Variants in LAMA2 observed in about 807,000 individuals in gnomAD.
LAMA2 encodes laminin subunit alpha-2.
In LAMA2, 269 loss-of-function variants were observed where a neutral mutation model predicts 364.8. The ratio of observed to expected loss-of-function variants is 0.74; its 90% confidence interval spans 0.67 to 0.82. LAMA2 has a LOEUF of 0.82. Ranked by LOEUF, LAMA2 falls within the 40% of genes least tolerant of loss-of-function variation. LAMA2 has a pLI of 0.00. For synonymous variants in LAMA2, 1,379 were observed against 1,370.6 expected (o/e 1.01, Z -0.14); for missense variants, 3,807 against 3,873.2 (o/e 0.98, Z 0.45).
At chr6:129,010,162 A>G (rs1435989554) in intron 1 of LAMA2, among the ~76,000 whole-genome samples, 2 of 152,226 alleles carry the variant, frequency 1.3e-5, no homozygotes, top group African/African-American at 4.8e-5. Flanking sequence ...CTTCAGAGTC[A>G]AAGATGTTAA....
At chr6:128,958,337 A>T (rs1781279256) in intron 1 of LAMA2, among the ~76,000 whole-genome samples, 2 of 152,070 alleles carry the variant, frequency 1.3e-5, no homozygotes, top group South Asian at 4.1e-4. Flanking sequence ...TGTTTAATAT[A>T]TTTTTATCTA....
chr6:129,392,973 G>A, intron 36 of LAMA2, 72 bp from the exon 37 acceptor site: 1 of 1,161,830 alleles, frequency 8.6e-7, no homozygotes, highest in South Asian at 1.3e-5. Flanking sequence ...TTTGTAACAT[G>A]GTTTAATACC....
intron 1 of LAMA2, among the ~76,000 whole-genome samples, chr6:128,899,523 T>A (rs1449571555): frequency 6.6e-6 from 1 of 152,224 alleles, no homozygotes; most frequent in African/African-American, 2.4e-5. Context: ...TGACATATGG[T>A]AGGCACTCAA....
chr6:129,076,490 A>AT (rs1554212267), intron 3 of LAMA2, among the ~76,000 whole-genome samples: 2 of 12,428 alleles, frequency 1.6e-4, no homozygotes, highest in Non-Finnish European at 5.3e-4. Context: ...TATCTTATAT[A>AT]TTATATATAA....
intron 1 of LAMA2, among the ~76,000 whole-genome samples, chr6:128,952,824 G>A (rs1211248033): frequency 6.6e-6 from 1 of 152,120 alleles, no homozygotes; most frequent in Non-Finnish European, 1.5e-5. Context: ...CTATTGATCT[G>A]TCCAGGGAAG....
chr6:128,939,013 C>T (rs1780000662), intron 1 of LAMA2, among the ~76,000 whole-genome samples: 1 of 152,114 alleles, frequency 6.6e-6, no homozygotes, highest in Admixed American at 6.5e-5. Flanking sequence ...TTTGCTTTCT[C>T]TTATTTGGAA....
chr6:129,443,040 C>G, intron 43 of LAMA2, 23 bp from the exon 44 acceptor site: 1 of 1,568,204 alleles, frequency 6.4e-7, no homozygotes, highest in East Asian at 2.3e-5. Flanking sequence ...TTTTGTTTTG[C>G]TTCCATGTGA....
intron 22 of LAMA2, among the ~76,000 whole-genome samples, chr6:129,308,647 C>T (rs1470150746): frequency 6.6e-6 from 1 of 151,758 alleles, no homozygotes; most frequent in Admixed American, 6.6e-5. Flanking sequence ...CAAAAAAAAA[C>T]AAAACTCATA....
intron 28 of LAMA2, among the ~76,000 whole-genome samples, chr6:129,322,055 TA>T (rs1277567243): frequency 6.6e-6 from 1 of 152,188 alleles, no homozygotes; most frequent in East Asian, 1.9e-4. Flanking sequence ...TCAGCTTAGT[TA>T]CCATCACATG....
Position 129,507,654 on chromosome 6 carries a change from T to C in LAMA2, c.8857+12T>C, listed in dbSNP as rs978396028. ...TTTTGCCAAAGCAGGTAAGGCTCTT[T>C]CATTTCCTTCCTGTTGATTATTAAC... is the stretch of plus-strand genomic sequence containing the variant. On this transcript the variant is annotated intron_variant, in intron 62 of 64. Coordinates refer to ENST00000421865, the MANE Select transcript of LAMA2 (RefSeq NM_000426.4). The C allele has an allele frequency of 1.2e-6, 2 of 1,613,544 alleles. No individual in the cohort carries two copies. Among genetic ancestry groups the C allele is most frequent in the African/African-American group, 2.7e-5 (2 of 74,926 alleles).
chr6:129,083,938 G>A (rs994463754), intron 3 of LAMA2, among the ~76,000 whole-genome samples: 2 of 152,130 alleles, frequency 1.3e-5, no homozygotes, highest in Admixed American at 6.6e-5. Context: ...AGATACACAC[G>A]ATTAGATTTT....
chr6:129,099,460 T>G (rs1775393730), intron 4 of LAMA2, among the ~76,000 whole-genome samples: 1 of 152,158 alleles, frequency 6.6e-6, no homozygotes, highest in Non-Finnish European at 1.5e-5. Flanking sequence ...TTTAGTATGT[T>G]TCCCTGACTT....
At chr6:129,024,807 A>G (rs1242387831) in intron 1 of LAMA2, among the ~76,000 whole-genome samples, 1 of 152,076 alleles carries the variant, frequency 6.6e-6, no homozygotes, top group Non-Finnish European at 1.5e-5. Flanking sequence ...AAGTGAGACC[A>G]GCATGGTGGC....
intron 4 of LAMA2, among the ~76,000 whole-genome samples, chr6:129,135,634 G>T (rs750468959): frequency 2.0e-5 from 3 of 152,172 alleles, no homozygotes; most frequent in Non-Finnish European, 4.4e-5. Flanking sequence ...ATCTCTGGTT[G>T]GGGCACACCC....
chr6:129,337,635 T>A (rs1335745163), intron 29 of LAMA2, among the ~76,000 whole-genome samples: 1 of 152,130 alleles, frequency 6.6e-6, no homozygotes, highest in Non-Finnish European at 1.5e-5. Context: ...GAAGGTTAGA[T>A]TAAGTAATTT....
chr6:129,135,224 T>C lies in LAMA2; in HGVS notation c.640-8677T>C, dbSNP rs148299820. ...TGGAGTTAAAATACTGGGTCTGTCATAGACAGGATTGGAATGGAATCCCAA... is the reference window on the plus strand; with the variant it reads ...TGGAGTTAAAATACTGGGTCTGTCACAGACAGGATTGGAATGGAATCCCAA... On this transcript the variant is annotated intron_variant, in intron 4 of 64. Coordinates refer to ENST00000421865, the MANE Select transcript of LAMA2 (RefSeq NM_000426.4). Among the ~76,000 whole-genome samples the C allele has an allele frequency of 6.4e-3, 971 of 152,230 alleles. 9 individuals carry two copies. The highest frequency in any genetic ancestry group is 0.022 in the African/African-American group (913 of 41,528).
intron 12 of LAMA2, among the ~76,000 whole-genome samples, chr6:129,244,863 C>T (rs1785638899): frequency 6.6e-6 from 1 of 152,162 alleles, no homozygotes; most frequent in Admixed American, 6.5e-5. Flanking sequence ...ATGCAATGTG[C>T]ACCATGCACA....
chr6:129,057,927 A>AT (rs111790466), intron 2 of LAMA2, among the ~76,000 whole-genome samples: 20,110 of 152,206 alleles, frequency 0.13, 1,395 homozygotes, highest in Middle Eastern at 0.2. Flanking sequence ...CATTCGAAAC[A>AT]TCTTCCCAGA....
At chr6:129,445,988 G>A (rs1270128832) in intron 45 of LAMA2, among the ~76,000 whole-genome samples, 167 bp downstream of exon 45, 1 of 152,076 alleles carries the variant, frequency 6.6e-6, no homozygotes, top group Non-Finnish European at 1.5e-5. Context: ...GGTTAGTTTT[G>A]TTTTGTTTGT....
Sources: allele counts gnomAD v4.1 joint callset (sites outside exome capture counted in the v4.1 genomes callset), GRCh38; gene constraint gnomAD v4.1.1; transcripts MANE v1.5; gene names NCBI Gene and HGNC (gene_info 2026-07-23, HGNC 2026-07-21).